Variants in CACNG2 observed in about 807,000 individuals in gnomAD.
The protein encoded by CACNG2 is calcium voltage-gated channel auxiliary subunit gamma 2, also known as voltage-dependent calcium channel gamma-2 subunit.
Under a neutral mutation model 25.9 loss-of-function variants are expected in CACNG2, and 3 were observed. The observed-to-expected ratio is 0.12, with a 90% CI of 0.05 to 0.30. The LOEUF (loss-of-function observed/expected upper bound fraction) is 0.30. CACNG2 is among the 10% of genes least tolerant of loss of function. The pLI, the probability that CACNG2 is intolerant of heterozygous loss-of-function variation, is 1.00. For synonymous variants in CACNG2, 167 were observed against 173.3 expected (o/e 0.96, Z 0.29); for missense variants, 341 against 432.5 (o/e 0.79, Z 1.88).
chr22:36,653,691 C>T (rs1037720836), intron 1 of CACNG2, among the ~76,000 whole-genome samples: 1 of 152,224 alleles, frequency 6.6e-6, no homozygotes, highest in South Asian at 2.1e-4. Context: ...TGTCTGCAGA[C>T]ATGGAAGGCT....
intron 1 of CACNG2, among the ~76,000 whole-genome samples, chr22:36,700,141 G>C (rs1025587668): frequency 1.3e-5 from 2 of 152,382 alleles, no homozygotes; most frequent in African/African-American, 2.4e-5. Context: ...GTGCCTGTGC[G>C]CATCGCACAA....
At position 36,680,865 on chromosome 22, in the gene CACNG2, A is replaced by G. The variant is rs1483445389; in HGVS notation, c.211+21501T>C. Among the ~76,000 whole-genome samples the G allele has an allele frequency of 5.3e-5, 8 of 150,930 alleles. No homozygotes were observed. In the East Asian group the frequency reaches 1.6e-3, roughly 30 times the overall value. ...GGTTACAATTACTACCACCACCATC[A>G]CCATCACTATCACCACCACCACCAT... is the stretch of plus-strand genomic sequence containing the variant. On this transcript the variant is annotated intron_variant, in intron 1 of 3. Coordinates refer to ENST00000300105, the MANE Select transcript of CACNG2 (RefSeq NM_006078.5).
rs541822231 is a variant in CACNG2 at position 36,663,303 on chromosome 22, G to A, written c.211+39063C>T. On this transcript the variant is annotated intron_variant, in intron 1 of 3. Transcript: ENST00000300105. Reference sequence around the variant, plus strand: ...CTTTTTGTGAACCAAGACTACTTGGGGATCTCCGAGTCAAAAGGTCTTTGG... The same window carrying A: ...CTTTTTGTGAACCAAGACTACTTGGAGATCTCCGAGTCAAAAGGTCTTTGG... Among the ~76,000 whole-genome samples, 17 of 152,188 alleles carry A rather than the reference G, an allele frequency of 1.1e-4. No individual in the cohort carries two copies. In the South Asian group the frequency reaches 3.5e-3, roughly 32 times the overall value.
chr22:36,581,158 T>C (rs1410130829), intron 2 of CACNG2, among the ~76,000 whole-genome samples: 3 of 152,130 alleles, frequency 2.0e-5, no homozygotes, highest in Non-Finnish European at 4.4e-5. Flanking sequence ...ACAGCGCTGG[T>C]TGGGAGAAAC....
intron 1 of CACNG2, among the ~76,000 whole-genome samples, chr22:36,644,719 CA>C (rs547865607): frequency 1.1e-3 from 175 of 152,248 alleles, no homozygotes; most frequent in Middle Eastern, 3.4e-3. Flanking sequence ...ATACTGACCC[CA>C]AAACAAGTTG....
At chr22:36,652,958 C>T (rs1936642162) in intron 1 of CACNG2, among the ~76,000 whole-genome samples, 1 of 152,040 alleles carries the variant, frequency 6.6e-6, no homozygotes, top group South Asian at 2.1e-4. Context: ...CTGGAGTCCC[C>T]CCGGGCTGTA....
chr22:36,658,101 C>T (rs555471820), intron 1 of CACNG2, among the ~76,000 whole-genome samples: 1 of 152,112 alleles, frequency 6.6e-6, no homozygotes, highest in Non-Finnish European at 1.5e-5. Context: ...TGGTTTGCAT[C>T]AGGGCTGCTG....
chr22:36,642,251 A>C (rs567572823), intron 1 of CACNG2, among the ~76,000 whole-genome samples: 1 of 152,338 alleles, frequency 6.6e-6, no homozygotes, highest in East Asian at 1.9e-4. Flanking sequence ...GCCGTGGCAC[A>C]TAGTAAGCAC....
At chr22:36,598,712 C>T (rs184306341) in intron 1 of CACNG2, among the ~76,000 whole-genome samples, 267 of 149,638 alleles carry the variant, frequency 1.8e-3, no homozygotes, top group Middle Eastern at 7.3e-3. Flanking sequence ...AGCACGGTGG[C>T]TCACGCCTGT....
At chr22:36,613,265 G>C (rs1935974024) in intron 1 of CACNG2, among the ~76,000 whole-genome samples, 1 of 151,542 alleles carries the variant, frequency 6.6e-6, no homozygotes, top group Admixed American at 6.6e-5. Flanking sequence ...AATGAATCTT[G>C]GATTTCACAC....
rs545768600 is a variant in CACNG2 at position 36,667,877 on chromosome 22, C to G, written c.211+34489G>C. ...TACCTTGGTTTTTCGCTTTGCCAGA[C>G]TCGGCTTCCTAAAACAGTTCATCCA... On this transcript the variant is annotated intron_variant, in intron 1 of 3. Coordinates refer to ENST00000300105, the MANE Select transcript of CACNG2 (RefSeq NM_006078.5). 2.6e-5 allele frequency among the ~76,000 whole-genome samples: 4 copies of G among 152,290 alleles called. No homozygotes were observed. The East Asian group carries it at 7.7e-4, about 29-fold the overall frequency.
At position 36,702,437 on chromosome 22, in the gene CACNG2, T is replaced by C. The variant is rs1937422428; in HGVS notation, c.140A>G (p.Glu47Gly). 2 of 1,614,020 alleles carry C rather than the reference T, an allele frequency of 1.2e-6. No individual in the cohort carries two copies. The highest frequency in any genetic ancestry group is 1.7e-6 in the Non-Finnish European group (2 of 1,180,018). ...RGVCKTKSVSENETSKKNEEV... is the reference protein window; with the variant it reads ...RGVCKTKSVSGNETSKKNEEV... ...CTCGTTCTTTTTGCTGGTTTCATTC[T>C]CACTGACACTTTTGGTCTTGCAAAC... Residue 47 changes from glutamate (E) to glycine (G), a missense_variant, in exon 1 of 4, where the codon GAG becomes GGG. Around this residue, in one of 2 missense-constraint regions of CACNG2, gnomAD observed 169 missense variants for 254.4 expected, o/e 0.66. Coordinates refer to ENST00000300105, the MANE Select transcript of CACNG2 (RefSeq NM_006078.5).
chr22:36,663,248 C>T (rs560336602), intron 1 of CACNG2, among the ~76,000 whole-genome samples: 65 of 152,188 alleles, frequency 4.3e-4, no homozygotes, highest in Non-Finnish European at 8.1e-4. Flanking sequence ...CTGTTTTTCC[C>T]CTTTGAGCGT....
chr22:36,689,678 A>C (rs997133565), intron 1 of CACNG2, among the ~76,000 whole-genome samples: 2 of 152,230 alleles, frequency 1.3e-5, no homozygotes, highest in African/African-American at 4.8e-5. Flanking sequence ...AGAAGTAGTA[A>C]ATCTCTCGGT....
chr22:36,607,543 C>A (rs1935861336), intron 1 of CACNG2, among the ~76,000 whole-genome samples: 1 of 152,190 alleles, frequency 6.6e-6, no homozygotes, highest in Non-Finnish European at 1.5e-5. Flanking sequence ...TGCACCTGGT[C>A]CCCTTGGTCC....
At chr22:36,611,913 G>GTGC (rs1185065114) in intron 1 of CACNG2, among the ~76,000 whole-genome samples, 3 of 152,194 alleles carry the variant, frequency 2.0e-5, no homozygotes. Flanking sequence ...AGGAGTGTCA[G>GTGC]TGCTGCTGGC....
chr22:36,625,872 AT>A (rs1204347186), intron 1 of CACNG2, among the ~76,000 whole-genome samples: 3 of 152,208 alleles, frequency 2.0e-5, no homozygotes, highest in Admixed American at 1.3e-4. Context: ...GGCATGAAAA[AT>A]TTAGCAGATT....
intron 1 of CACNG2, among the ~76,000 whole-genome samples, chr22:36,671,668 T>C (rs543277072): frequency 6.6e-6 from 1 of 152,310 alleles, no homozygotes; most frequent in East Asian, 1.9e-4. Context: ...TCCTGTTGAC[T>C]GAAGGGAGAG....
Position 36,566,187 on chromosome 22 carries a change from G to A in CACNG2, c.436+166C>T, listed in dbSNP as rs113210249. Among the ~76,000 whole-genome samples the A allele has an allele frequency of 1.4e-4, 22 of 152,286 alleles. No homozygotes were observed. The East Asian group carries it at 3.5e-3, about 24-fold the overall frequency. ...TGGTACAGGCTCGGGAGTTGCTACA[G>A]GACAGGAGCCCCCCCACCACCTTCC... On this transcript the variant is annotated intron_variant, in intron 3 of 3. Transcript: ENST00000300105.
Sources: allele counts gnomAD v4.1 joint callset (sites outside exome capture counted in the v4.1 genomes callset), GRCh38; gene constraint gnomAD v4.1.1; regional missense constraint gnomAD v4.1.1; transcripts MANE v1.5; gene names NCBI Gene and HGNC (gene_info 2026-07-23, HGNC 2026-07-21).